The following UBE2D2 variants were observed in gnomAD, a reference collection of about 807,000 sequenced individuals.
The protein encoded by UBE2D2 is ubiquitin conjugating enzyme E2 D2.
UBE2D2 carries 2 observed loss-of-function variants against 24.2 expected under a neutral mutation model. The observed-to-expected ratio is 0.08, with a 90% CI of 0.03 to 0.26. The LOEUF (loss-of-function observed/expected upper bound fraction) is 0.26. Ranked by LOEUF, UBE2D2 falls within the 10% of genes least tolerant of loss-of-function variation. The probability of loss-of-function intolerance (pLI) is 1.00; values close to 1 mark genes in which losing one functional copy is unlikely to be tolerated. For synonymous variants in UBE2D2, 58 were observed against 56.5 expected (o/e 1.03, Z -0.12); for missense variants, 44 against 177.6 (o/e 0.25, Z 4.28).
chr5:139,598,694 G>A (rs2126683826), intron 1 of UBE2D2, among the ~76,000 whole-genome samples: 1 of 150,634 alleles, frequency 6.6e-6, no homozygotes, highest in East Asian at 2.0e-4. Flanking sequence ...TCAAGTAGCT[G>A]GGATTACAGG....
rs1753779830 is a variant in UBE2D2 at position 139,588,414 on chromosome 5, T to C, written c.25-11958T>C. 2.6e-5 allele frequency among the ~76,000 whole-genome samples: 4 copies of C among 152,328 alleles called. No individual in the cohort carries two copies. The South Asian group carries it at 8.3e-4, about 32-fold the overall frequency. ...CCTCAGCCTCCCAAGTAGCTGGGGC[T>C]ACAGGAATGTGCCACCATATCTGGC... is the stretch of plus-strand genomic sequence containing the variant. On this transcript the variant is annotated intron_variant, in intron 1 of 6. Coordinates refer to ENST00000398733, the MANE Select transcript of UBE2D2 (RefSeq NM_003339.3).
intron 1 of UBE2D2, among the ~76,000 whole-genome samples, chr5:139,598,534 A>G (rs564133629): frequency 2.0e-5 from 3 of 149,934 alleles, no homozygotes; most frequent in South Asian, 2.1e-4. Context: ...CAGGTAGACC[A>G]ATCTCTGACT....
intron 1 of UBE2D2, among the ~76,000 whole-genome samples, chr5:139,541,196 G>A (rs1228568134): frequency 6.6e-6 from 1 of 151,752 alleles, no homozygotes; most frequent in Non-Finnish European, 1.5e-5. Context: ...TACTTGGGAG[G>A]CTGAGGCAGG....
At chr5:139,608,512 T>C (rs1754243246) in intron 2 of UBE2D2, among the ~76,000 whole-genome samples, 1 of 151,854 alleles carries the variant, frequency 6.6e-6, no homozygotes, top group Admixed American at 6.6e-5. Flanking sequence ...CCCAGCAGTT[T>C]GGGGGGTCAA....
At chr5:139,610,317 C>T (rs1000308489) in intron 2 of UBE2D2, among the ~76,000 whole-genome samples, 89 of 148,398 alleles carry the variant, frequency 6.0e-4, no homozygotes, top group Admixed American at 1.2e-3. Context: ...TCGAAGTGGG[C>T]GGATCATAAG....
intron 2 of UBE2D2, 41 bp downstream of exon 2, chr5:139,600,476 T>C: frequency 3.7e-6 from 6 of 1,600,292 alleles, no homozygotes; most frequent in Non-Finnish European, 5.1e-6. Context: ...AGCATAACAG[T>C]GGTTATTTTG....
chr5:139,570,496 A>G (rs1295280187), intron 1 of UBE2D2, among the ~76,000 whole-genome samples: 1 of 151,932 alleles, frequency 6.6e-6, no homozygotes, highest in Non-Finnish European at 1.5e-5. Flanking sequence ...GCATGCCACC[A>G]CGCCCGGCTA....
chr5:139,566,487 A>G (rs1164936570), intron 1 of UBE2D2, among the ~76,000 whole-genome samples: 2 of 151,916 alleles, frequency 1.3e-5, no homozygotes, highest in Non-Finnish European at 2.9e-5. Flanking sequence ...CAGCCTGAGC[A>G]ACATGACGAA....
chr5:139,533,601 A>C (rs1373845321), intron 1 of UBE2D2, among the ~76,000 whole-genome samples: 1 of 151,566 alleles, frequency 6.6e-6, no homozygotes, highest in Non-Finnish European at 1.5e-5. Flanking sequence ...GGTGAGCCCA[A>C]GATCGCGCCA....
At chr5:139,540,789 G>A (rs1012745993) in intron 1 of UBE2D2, among the ~76,000 whole-genome samples, 27 of 152,078 alleles carry the variant, frequency 1.8e-4, no homozygotes, top group African/African-American at 6.3e-4. Context: ...TCAGGAGTTC[G>A]AGAGCAGCCT....
rs74657279 is a variant in UBE2D2, at chr5:139,604,502, G to A, written c.88+4067G>A. ...CAATTAAAAAATAGTCAAAGGATCCGAGTAGACATTTCTCCAGATAAGATG... is the reference window on the plus strand; with the variant it reads ...CAATTAAAAAATAGTCAAAGGATCCAAGTAGACATTTCTCCAGATAAGATG... On this transcript the variant is annotated intron_variant, in intron 2 of 6. Transcript: ENST00000398733. Among the ~76,000 whole-genome samples the A allele has an allele frequency of 9.2e-5, 14 of 152,230 alleles. No individual in the cohort carries two copies. In the East Asian group the frequency reaches 1.7e-3, roughly 19 times the overall value.
chr5:139,541,169 G>T lies in UBE2D2; in HGVS notation c.-64+14557G>T, dbSNP rs192126668. Among the ~76,000 whole-genome samples, 8 of 151,680 alleles carry T rather than the reference G, an allele frequency of 5.3e-5. 1 individual carries two copies. The East Asian group carries it at 1.5e-3, about 29-fold the overall frequency. ...AAAAATTAGCTGGGCGTGGTAGCAT[G>T]TGCCTGTAATCCTAGCTACTTGGGA... On this transcript the variant is annotated intron_variant, in intron 1 of 6. Transcript: ENST00000511725.
chr5:139,545,435 ATT>A (rs55867147), intron 1 of UBE2D2, among the ~76,000 whole-genome samples: 10 of 132,356 alleles, frequency 7.6e-5, no homozygotes, highest in African/African-American at 8.4e-5. Flanking sequence ...TTTTTTTTTA[ATT>A]TTTTTTTGTG....
chr5:139,571,444 C>T (rs563969618), intron 1 of UBE2D2, among the ~76,000 whole-genome samples: 19 of 151,530 alleles, frequency 1.3e-4, no homozygotes, highest in African/African-American at 4.6e-4. Flanking sequence ...TTTCAGCTAT[C>T]CACTTTAGAG....
At chr5:139,573,168 G>C (rs1267743531) in intron 1 of UBE2D2, among the ~76,000 whole-genome samples, 1 of 151,786 alleles carries the variant, frequency 6.6e-6, no homozygotes, top group African/African-American at 2.4e-5. Context: ...CAGACGTGGT[G>C]GTGGGCACCT....
intron 6 of UBE2D2, 88 bp downstream of exon 6, chr5:139,623,549 C>A: frequency 9.3e-7 from 1 of 1,080,924 alleles, no homozygotes; most frequent in Admixed American, 1.9e-5. Flanking sequence ...TGAATATCGG[C>A]CAGATATTTA....
chr5:139,622,314 G>A (rs762559666), intron 5 of UBE2D2, among the ~76,000 whole-genome samples: 8 of 150,980 alleles, frequency 5.3e-5, no homozygotes, highest in Non-Finnish European at 1.2e-4. Flanking sequence ...CTACGATCTC[G>A]GCTCACTGCA....
At chr5:139,594,546 T>C (rs1224046026) in intron 1 of UBE2D2, among the ~76,000 whole-genome samples, 1 of 152,108 alleles carries the variant, frequency 6.6e-6, no homozygotes, top group Non-Finnish European at 1.5e-5. Context: ...CCTGGGTAGC[T>C]GGAATTAGAG....
intron 1 of UBE2D2, among the ~76,000 whole-genome samples, chr5:139,596,890 A>G (rs955840718): frequency 6.6e-6 from 1 of 151,432 alleles, no homozygotes; most frequent in Non-Finnish European, 1.5e-5. Context: ...CTAAAAATAC[A>G]AAAAAAATTA....
Sources: gnomAD v4.1 joint callset for allele counts (sites outside exome capture counted in the v4.1 genomes callset) on GRCh38, gnomAD v4.1.1 for gene constraint, MANE v1.5 for transcripts, NCBI Gene and HGNC (gene_info 2026-07-23, HGNC 2026-07-21) for gene names.